ALG1L2: variants seen among roughly 807,000 people sequenced by gnomAD.
The protein encoded by ALG1L2 is putative glycosyltransferase ALG1L2.
A neutral mutation model predicts 29.0 loss-of-function variants in ALG1L2; 32 were observed. The ratio of observed to expected loss-of-function variants is 1.10; its 90% confidence interval spans 0.83 to 1.48. The LOEUF is 1.48. Ranked by LOEUF, ALG1L2 falls within the 40% of genes most tolerant of loss-of-function variation. The pLI, the probability that ALG1L2 is intolerant of heterozygous loss-of-function variation, is 0.00. For missense variants in ALG1L2, 318 were observed against 274.1 expected (o/e 1.16, Z -1.13); for synonymous variants, 110 against 109.5 (o/e 1.00, Z -0.03).
At chr3:130,091,635 C>T (rs761781123) in intron 2 of ALG1L2, 2 of 573,270 alleles carry the variant, frequency 3.5e-6, no homozygotes, top group South Asian at 2.0e-5. Flanking sequence ...GAAGTATTTA[C>T]TCTCTGACCC....
intron 1 of ALG1L2, among the ~76,000 whole-genome samples, chr3:130,086,204 AG>A (rs1934887920): frequency 6.6e-6 from 1 of 151,212 alleles, no homozygotes; most frequent in Non-Finnish European, 1.5e-5. Context: ...TCAGCAGCTC[AG>A]GGGATGCCTT....
intron 5 of ALG1L2, 56 bp downstream of exon 5, chr3:130,094,569 G>C: frequency 8.1e-7 from 1 of 1,234,044 alleles, no homozygotes; most frequent in Non-Finnish European, 1.1e-6. Context: ...AGGGGGAACA[G>C]GGGTGGGCGG....
intron 4 of ALG1L2, among the ~76,000 whole-genome samples, chr3:130,093,647 C>A (rs140552110): frequency 0.015 from 2,296 of 152,238 alleles, 63 homozygotes; most frequent in African/African-American, 0.051. Flanking sequence ...TGGTCTTGAA[C>A]TCCTGACCTC....
At chr3:130,096,462 A>G (rs549765905) in intron 6 of ALG1L2, among the ~76,000 whole-genome samples, 1 of 152,052 alleles carries the variant, frequency 6.6e-6, no homozygotes, top group Non-Finnish European at 1.5e-5. Flanking sequence ...AAAGCACCTT[A>G]AATAACAGAA....
chr3:130,093,416 T>A (rs1174937163), intron 4 of ALG1L2, among the ~76,000 whole-genome samples: 1 of 148,006 alleles, frequency 6.8e-6, no homozygotes, highest in South Asian at 2.1e-4. Context: ...CTTTTTTTTG[T>A]TGTTATGTCA....
rs182418978 is a variant in ALG1L2 at position 130,091,492 on chromosome 3, G to A, written c.131+121G>A. The A allele has an allele frequency of 2.7e-5, 28 of 1,043,312 alleles. No individual in the cohort carries two copies. In the African/African-American group the frequency reaches 3.2e-4, roughly 12 times the overall value. The allele number at this position is 1,043,312 out of a possible 1,614,324, so 64.6% of individuals were successfully genotyped here. A position where few individuals can be genotyped will look rare whatever the true frequency, so the allele number is the denominator to read the frequency against. ...ATTGGCAAACTAAGGCTACAGGCCA[G>A]TCTCCTGCTTTTGTAAATCAAGTTT... On this transcript the variant is annotated intron_variant, in intron 2 of 7. Coordinates refer to ENST00000425059, the MANE Select transcript of ALG1L2 (RefSeq NM_001136152.1).
Position 130,081,929 on chromosome 3 carries a change from A to C in ALG1L2, c.-88A>C. ...GAGGGAGCTTCTCCAGGATCAGCAG[A>C]GCTCGATTGTAGGGTGTGAGGCTGT... On this transcript the variant is annotated 5_prime_UTR_variant, in exon 1 of 8. Transcript: ENST00000425059. 2 of 1,398,326 alleles carry C rather than the reference A, an allele frequency of 1.4e-6. No individual in the cohort carries two copies. The highest frequency in any genetic ancestry group is 2.0e-6 in the Non-Finnish European group (2 of 1,009,856). 86.6% of individuals were successfully genotyped at this position (1,398,326 alleles called of 1,614,324 possible).
At chr3:130,097,333 C>T in intron 7 of ALG1L2, 83 bp downstream of exon 7, 2 of 1,564,390 alleles carry the variant, frequency 1.3e-6, no homozygotes, top group South Asian at 2.3e-5. Flanking sequence ...CTGTTTCACA[C>T]AGCCAGGGTG....
At position 130,086,438 on chromosome 3, in the gene ALG1L2, G is replaced by A. The variant is rs1362509231; in HGVS notation, c.20+4402G>A. 6.6e-5 allele frequency among the ~76,000 whole-genome samples: 10 copies of A among 150,656 alleles called. No individual in the cohort carries two copies. The South Asian group carries it at 1.0e-3, about 16-fold the overall frequency. On this transcript the variant is annotated intron_variant, in intron 1 of 7. Coordinates refer to ENST00000425059, the MANE Select transcript of ALG1L2 (RefSeq NM_001136152.1). The stretch of plus-strand genomic sequence containing the variant: ...TCTCAACACTTTGGGAGGCCAAGGC[G>A]GGAGGATCCCTTGAAGCCAAGAGTC...
chr3:130,087,402 C>T (rs1443993393), intron 1 of ALG1L2, among the ~76,000 whole-genome samples: 2 of 149,000 alleles, frequency 1.3e-5, no homozygotes, highest in East Asian at 3.9e-4. Context: ...CTAAAAGGTA[C>T]CTACAGAGAC....
intron 1 of ALG1L2, among the ~76,000 whole-genome samples, chr3:130,082,842 A>G (rs1411069368): frequency 1.4e-5 from 2 of 146,156 alleles, no homozygotes; most frequent in Admixed American, 7.0e-5. Flanking sequence ...GAAGCCTACT[A>G]TGTCCACAAC....
chr3:130,096,996 C>T (rs541655260), intron 6 of ALG1L2, among the ~76,000 whole-genome samples, 179 bp from the exon 7 acceptor site: 2 of 152,124 alleles, frequency 1.3e-5, no homozygotes, highest in Admixed American at 6.5e-5. Flanking sequence ...GATGTGCACC[C>T]CCCCCAGGCT....
chr3:130,097,286 G>C, intron 7 of ALG1L2, 36 bp downstream of exon 7: 4 of 1,600,108 alleles, frequency 2.5e-6, no homozygotes, highest in Non-Finnish European at 3.4e-6. Flanking sequence ...GGTGGACAGG[G>C]TTCTGGAGAC....
At chr3:130,088,317 A>G (rs952977633) in intron 1 of ALG1L2, among the ~76,000 whole-genome samples, 2 of 152,306 alleles carry the variant, frequency 1.3e-5, no homozygotes, top group African/African-American at 4.8e-5. Context: ...TCCCATAATC[A>G]CCACATGCTG....
chr3:130,085,177 C>G (rs1934864872), intron 1 of ALG1L2, among the ~76,000 whole-genome samples: 1 of 134,664 alleles, frequency 7.4e-6, no homozygotes, highest in African/African-American at 2.5e-5. Context: ...CCAGGCTGGT[C>G]TTGATCTCCT....
At chr3:130,091,915 G>A (rs1935021912) in intron 2 of ALG1L2, 186 bp from the exon 3 acceptor site, 2 of 919,738 alleles carry the variant, frequency 2.2e-6, no homozygotes, top group African/African-American at 3.3e-5. Flanking sequence ...TGTAACCTTA[G>A]CACCCAGCAA....
At chr3:130,096,692 C>T (rs1935142247) in intron 6 of ALG1L2, among the ~76,000 whole-genome samples, 1 of 152,048 alleles carries the variant, frequency 6.6e-6, no homozygotes, top group South Asian at 2.1e-4. Context: ...AAGCAGTAGC[C>T]CCAGCAAAAG....
intron 7 of ALG1L2, among the ~76,000 whole-genome samples, chr3:130,097,789 G>A (rs140000054): frequency 0.096 from 14,595 of 152,054 alleles, 729 homozygotes; most frequent in East Asian, 0.17. Context: ...AGATTAAGGG[G>A]TGTGGCTTTG....
rs563811475 is a variant in ALG1L2 at position 130,085,052 on chromosome 3, G to A, written c.20+3016G>A. Among the ~76,000 whole-genome samples, 216 of 129,052 alleles carry A rather than the reference G, an allele frequency of 1.7e-3. 15 individuals are homozygous for A. The highest frequency in any genetic ancestry group is 4.9e-3 in the Middle Eastern group (1 of 204). 84.7% of individuals were successfully genotyped at this position (129,052 alleles called of 152,430 possible). ...TGGCTCACTGTCACTTCCGCCTCCC[G>A]GGTTCAAGCAATTGTCCTACCTCAG... is the stretch of plus-strand genomic sequence containing the variant. On this transcript the variant is annotated intron_variant, in intron 1 of 7. Transcript: ENST00000425059.
Sources: allele counts gnomAD v4.1 joint callset (sites outside exome capture counted in the v4.1 genomes callset), GRCh38; gene constraint gnomAD v4.1.1; transcripts MANE v1.5; gene names NCBI Gene and HGNC (gene_info 2026-07-23, HGNC 2026-07-21).